Variants in MITF observed in about 807,000 individuals in gnomAD.
The protein encoded by MITF is microphthalmia-associated transcription factor.
A neutral mutation model predicts 60.5 loss-of-function variants in MITF; 17 were observed. That is an observed-to-expected ratio of 0.28 (90% CI 0.19 to 0.42). MITF has a LOEUF of 0.42. Ranked by LOEUF, MITF falls within the 10% of genes least tolerant of loss-of-function variation. The probability of loss-of-function intolerance (pLI) is 1.00; values close to 1 mark genes in which losing one functional copy is unlikely to be tolerated. For synonymous variants in MITF, 260 were observed against 248.5 expected (o/e 1.05, Z -0.43); for missense variants, 622 against 683.5 (o/e 0.91, Z 1.00).
intron 2 of MITF, among the ~76,000 whole-genome samples, chr3:69,932,293 G>A (rs547235200): frequency 6.6e-6 from 1 of 152,236 alleles, no homozygotes; most frequent in Admixed American, 6.5e-5. Flanking sequence ...TCAACTAATG[G>A]GTGTGGCTGT....
At position 69,967,923 on chromosome 3, in the gene MITF, G is replaced by A. The variant is rs189186306; in HGVS notation, c.*2675G>A. ...CCATCTGCCTCTGAGTAGGGCAATG[G>A]AAATACCAAACCTTCTGACTTTGCC... is the stretch of plus-strand genomic sequence containing the variant. On this transcript the variant is annotated 3_prime_UTR_variant, in exon 10 of 10. Transcript: ENST00000352241. 1.3e-5 allele frequency: 3 copies of A among 233,452 alleles called. No individual in the cohort carries two copies. In the Admixed American group the frequency reaches 1.7e-4, roughly 13 times the overall value. 14.5% of individuals were successfully genotyped at this position (233,452 alleles called of 1,614,324 possible).
intron 1 of MITF, chr3:69,763,993 A>C: frequency 7.9e-7 from 1 of 1,272,120 alleles, no homozygotes; most frequent in Non-Finnish European, 1.0e-6. Context: ...CTTATATAGC[A>C]TGTTTTTTAA....
chr3:69,873,389 C>A (rs757535862), intron 1 of MITF, among the ~76,000 whole-genome samples: 1 of 152,156 alleles, frequency 6.6e-6, no homozygotes, highest in South Asian at 2.1e-4. Context: ...TTTACCAACT[C>A]TTATTTGTGC....
chr3:69,847,051 C>T (rs1035417798), intron 1 of MITF, among the ~76,000 whole-genome samples: 11 of 152,092 alleles, frequency 7.2e-5, no homozygotes, highest in Non-Finnish European at 1.5e-4. Context: ...TGACTGTTTC[C>T]TCTTGAGGGC....
At position 69,799,752 on chromosome 3, in the gene MITF, T is replaced by G. The variant is rs139220099; in HGVS notation, c.104+60051T>G. 1.9e-4 allele frequency among the ~76,000 whole-genome samples: 29 copies of G among 152,276 alleles called. 1 individual carries two copies. In the East Asian group the frequency reaches 5.4e-3, roughly 28 times the overall value. Reference sequence around the variant, plus strand: ...TAGTATGCTCTTAGGGTAAACTGTTTCTCATTGTTTAAAGTTTCCAGCATT... The same window carrying G: ...TAGTATGCTCTTAGGGTAAACTGTTGCTCATTGTTTAAAGTTTCCAGCATT... On this transcript the variant is annotated intron_variant, in intron 1 of 9. Coordinates refer to ENST00000352241, the MANE Select transcript of MITF (RefSeq NM_001354604.2).
chr3:69,897,360 A>G (rs2064898582), intron 2 of MITF, among the ~76,000 whole-genome samples: 1 of 152,186 alleles, frequency 6.6e-6, no homozygotes, highest in African/African-American at 2.4e-5. Context: ...GGAGTAAAGT[A>G]TATGGAACCT....
intron 1 of MITF, among the ~76,000 whole-genome samples, chr3:69,865,185 T>TA (rs147682169): frequency 0.043 from 6,481 of 151,280 alleles, 404 homozygotes; most frequent in African/African-American, 0.15. Flanking sequence ...AGAGGGAAGT[T>TA]AAAAAAAAAG....
In MITF at chr3:69,769,463, T is replaced by A. The variant is rs1159359856; in HGVS notation, c.104+29762T>A. 4.0e-5 allele frequency: 3 copies of A among 75,554 alleles called. No homozygotes were observed. The East Asian group carries it at 1.3e-3, about 32-fold the overall frequency. The allele number at this position is 75,554 out of a possible 1,614,324, so 4.7% of individuals were successfully genotyped here. On this transcript the variant is annotated intron_variant, in intron 1 of 9. Coordinates refer to ENST00000352241, the MANE Select transcript of MITF (RefSeq NM_001354604.2). ...GCTTCACAAAGTGTAGTCGTTGCTA[T>A]GTGATTTCTTTTTTTTTCCTTTTTG... is the stretch of plus-strand genomic sequence containing the variant.
At chr3:69,866,827 C>A (rs537899736) in intron 1 of MITF, among the ~76,000 whole-genome samples, 21 of 150,532 alleles carry the variant, frequency 1.4e-4, no homozygotes, top group Middle Eastern at 3.4e-3. Flanking sequence ...TTTCTCCCCC[C>A]ACCTTTTTTT....
chr3:69,833,582 T>C (rs1194545084), intron 1 of MITF, among the ~76,000 whole-genome samples: 1 of 152,030 alleles, frequency 6.6e-6, no homozygotes, highest in Non-Finnish European at 1.5e-5. Context: ...CCTTCCCTGT[T>C]CACACTGTAT....
intron 1 of MITF, among the ~76,000 whole-genome samples, chr3:69,751,097 G>A (rs559283776): frequency 9.9e-5 from 15 of 152,166 alleles, no homozygotes; most frequent in African/African-American, 1.2e-4. Context: ...CACTCTAAAA[G>A]TGTGAAACTT....
chr3:69,833,245 G>A (rs185723428), intron 1 of MITF, among the ~76,000 whole-genome samples: 1 of 151,984 alleles, frequency 6.6e-6, no homozygotes, highest in African/African-American at 2.4e-5. Flanking sequence ...ACTGTATGTG[G>A]TTATTTTTCT....
intron 1 of MITF, among the ~76,000 whole-genome samples, chr3:69,773,745 A>G (rs985523592): frequency 6.6e-6 from 1 of 152,228 alleles, no homozygotes; most frequent in Non-Finnish European, 1.5e-5. Flanking sequence ...ATTGAAAACT[A>G]TGAAGCATTA....
At chr3:69,756,901 T>A (rs548482367) in intron 1 of MITF, among the ~76,000 whole-genome samples, 48 of 152,348 alleles carry the variant, frequency 3.2e-4, no homozygotes, top group African/African-American at 1.1e-3. Context: ...TGATCTTTTT[T>A]AAATATGTTT....
intron 1 of MITF, chr3:69,762,681 T>C (rs201426249): frequency 3.2e-4 from 70 of 217,824 alleles, no homozygotes; most frequent in African/African-American, 1.5e-3. Context: ...GCATTAGTCA[T>C]TGTGAAACCA....
chr3:69,821,812 C>T lies in MITF; in HGVS notation c.105-57322C>T, dbSNP rs532983623. Among the ~76,000 whole-genome samples the T allele has an allele frequency of 1.1e-4, 16 of 152,064 alleles. No homozygotes were observed. The South Asian group carries it at 2.5e-3, about 24-fold the overall frequency. ...TGTTGCCCAGACTGGAGTGCAGCGA[C>T]GTGATCTCGGCTCACTGCAACCTCT... On this transcript the variant is annotated intron_variant, in intron 1 of 9. Coordinates refer to ENST00000352241, the MANE Select transcript of MITF (RefSeq NM_001354604.2).
chr3:69,901,086 A>G (rs2064986001), intron 2 of MITF, among the ~76,000 whole-genome samples: 1 of 152,098 alleles, frequency 6.6e-6, no homozygotes, highest in African/African-American at 2.4e-5. Context: ...TTGCTACAGT[A>G]TAACCTTTTA....
At chr3:69,779,494 C>A (rs1414480579) in intron 1 of MITF, among the ~76,000 whole-genome samples, 1 of 152,114 alleles carries the variant, frequency 6.6e-6, no homozygotes, top group East Asian at 1.9e-4. Context: ...TGGCCCCAGG[C>A]TTATCACACA....
chr3:69,871,345 A>G (rs993561655), intron 1 of MITF, among the ~76,000 whole-genome samples: 1 of 152,250 alleles, frequency 6.6e-6, no homozygotes, highest in Non-Finnish European at 1.5e-5. Context: ...TGTGACCAGA[A>G]GGATGGATTT....
Sources: gnomAD v4.1 joint callset for allele counts (sites outside exome capture counted in the v4.1 genomes callset) on GRCh38, gnomAD v4.1.1 for gene constraint, MANE v1.5 for transcripts, NCBI Gene and HGNC (gene_info 2026-07-23, HGNC 2026-07-21) for gene names.